Variants in DIP2B observed in about 807,000 individuals in gnomAD.
DIP2B encodes DIP2 acetate--CoA ligase B (putative).
Under a neutral mutation model 198.0 loss-of-function variants are expected in DIP2B, and 76 were observed. The observed-to-expected ratio is 0.38, with a 90% CI of 0.32 to 0.46. DIP2B has a LOEUF of 0.46. DIP2B is among the 20% of genes least tolerant of loss of function. The probability of loss-of-function intolerance (pLI) is 0.99; values close to 1 mark genes in which losing one functional copy is unlikely to be tolerated. For synonymous variants in DIP2B, 701 were observed against 739.1 expected (o/e 0.95, Z 0.84); for missense variants, 1,559 against 1,978.4 (o/e 0.79, Z 4.02).
intron 3 of DIP2B, among the ~76,000 whole-genome samples, chr12:50,655,443 T>C (rs1938538246): frequency 1.3e-5 from 2 of 152,222 alleles, no homozygotes; most frequent in South Asian, 4.1e-4. Flanking sequence ...TGGTATAGTT[T>C]TGACTTTTGG....
intron 19 of DIP2B, among the ~76,000 whole-genome samples, chr12:50,699,438 A>G (rs1939377755): frequency 6.6e-6 from 1 of 152,168 alleles, no homozygotes; most frequent in South Asian, 2.1e-4. Flanking sequence ...AATTGTACCT[A>G]TGTCATAGGA....
chr12:50,670,269 C>T (rs1223144801), intron 4 of DIP2B, among the ~76,000 whole-genome samples: 1 of 151,978 alleles, frequency 6.6e-6, no homozygotes, highest in Non-Finnish European at 1.5e-5. Flanking sequence ...TGATGCTGTG[C>T]CTTCTCCTGT....
At chr12:50,651,275 A>T (rs1467941652) in intron 3 of DIP2B, among the ~76,000 whole-genome samples, 1 of 152,022 alleles carries the variant, frequency 6.6e-6, no homozygotes. Context: ...CCAATTTTGC[A>T]GGTTATCTTT....
chr12:50,520,296 A>G (rs2139351221), intron 1 of DIP2B, among the ~76,000 whole-genome samples: 1 of 152,232 alleles, frequency 6.6e-6, no homozygotes, highest in East Asian at 1.9e-4. Flanking sequence ...TCGGCCTTCC[A>G]AAGTGCGGGG....
intron 1 of DIP2B, among the ~76,000 whole-genome samples, chr12:50,570,635 G>A (rs1025577349): frequency 3.4e-4 from 52 of 152,346 alleles, no homozygotes; most frequent in African/African-American, 1.1e-3. Flanking sequence ...ACTTGAATCC[G>A]GGAGGCAGAA....
At chr12:50,675,957 G>A (rs1469521201) in intron 7 of DIP2B, among the ~76,000 whole-genome samples, 1 of 152,140 alleles carries the variant, frequency 6.6e-6, no homozygotes, top group Non-Finnish European at 1.5e-5. Flanking sequence ...TTAGACGGGT[G>A]CTAAAATATA....
chr12:50,573,760 C>G (rs1958635255), intron 1 of DIP2B, among the ~76,000 whole-genome samples: 1 of 152,132 alleles, frequency 6.6e-6, no homozygotes, highest in South Asian at 2.1e-4. Flanking sequence ...TGTATTTTCC[C>G]TTCTTCAGAC....
At chr12:50,623,429 ACACACACACTCTCTCTCTCTCT>A (rs1937859904) in intron 1 of DIP2B, among the ~76,000 whole-genome samples, 1 of 49,342 alleles carries the variant, frequency 2.0e-5, no homozygotes, top group African/African-American at 8.4e-5. Flanking sequence ...ACACACACAC[ACACACACACTCTCTCTCTCTCT>A]CTCTCTCTCT....
chr12:50,595,782 A>G (rs1958873235), intron 1 of DIP2B, among the ~76,000 whole-genome samples: 1 of 152,204 alleles, frequency 6.6e-6, no homozygotes, highest in Non-Finnish European at 1.5e-5. Flanking sequence ...TATTCATAGA[A>G]GTAAAATCTC....
intron 1 of DIP2B, among the ~76,000 whole-genome samples, chr12:50,622,025 A>G (rs1311740501): frequency 2.0e-5 from 3 of 152,216 alleles, no homozygotes; most frequent in South Asian, 2.1e-4. Context: ...CTGAGACTTA[A>G]GCACTGAAGA....
chr12:50,719,000 C>A lies in DIP2B; in HGVS notation c.3007C>A (p.Pro1003Thr). The A allele has an allele frequency of 1.2e-6, 2 of 1,614,182 alleles. No individual in the cohort carries two copies. The highest frequency in any genetic ancestry group is 1.7e-6 in the Non-Finnish European group (2 of 1,180,024). Residue 1003 changes from proline (P) to threonine (T), a missense_variant, in exon 25 of 38, where the codon CCT becomes ACT. Coordinates refer to ENST00000301180, the MANE Select transcript of DIP2B (RefSeq NM_173602.3). ...EILQWRAQAT[P>T]DHVLFMLLNA... ...CCTACAGTGGCGAGCCCAGGCGACT[C>A]CTGACCATGTACTCTTCATGCTGTT... is the stretch of plus-strand genomic sequence containing the variant.
chr12:50,687,535 T>C (rs1364394921), intron 12 of DIP2B, among the ~76,000 whole-genome samples: 1 of 152,098 alleles, frequency 6.6e-6, no homozygotes, highest in Non-Finnish European at 1.5e-5. Context: ...CTTCAAAAAA[T>C]TTTGGATATA....
At chr12:50,653,341 C>CTTTTTTTTTTTTTTTTT (rs1323702401) in intron 3 of DIP2B, among the ~76,000 whole-genome samples, 28 of 70,072 alleles carry the variant, frequency 4.0e-4, no homozygotes, top group Non-Finnish European at 5.8e-4. Context: ...TTTTTTTTTT[C>CTTTTTTTTTTTTTTTTT]TTTTCTTTTT....
chr12:50,740,283 A>G (rs148577689), intron 36 of DIP2B, among the ~76,000 whole-genome samples: 3 of 152,314 alleles, frequency 2.0e-5, no homozygotes, highest in African/African-American at 7.2e-5. Flanking sequence ...AGTTCCCCAG[A>G]TTTCATGGAG....
At chr12:50,527,612 G>A (rs922975869) in intron 1 of DIP2B, among the ~76,000 whole-genome samples, 3 of 152,156 alleles carry the variant, frequency 2.0e-5, no homozygotes, top group Admixed American at 6.5e-5. Context: ...TTATGGTGAT[G>A]TGCACCTGTA....
chr12:50,686,167 A>G (rs887467861), intron 11 of DIP2B, among the ~76,000 whole-genome samples: 1 of 152,236 alleles, frequency 6.6e-6, no homozygotes, highest in Non-Finnish European at 1.5e-5. Flanking sequence ...CACAGCTAAT[A>G]AATGGCAGAG....
At chr12:50,566,990 A>AG (rs1200348381) in intron 1 of DIP2B, among the ~76,000 whole-genome samples, 2 of 150,372 alleles carry the variant, frequency 1.3e-5, no homozygotes, top group Non-Finnish European at 3.0e-5. Context: ...AAAAAAAAAA[A>AG]AAGAAAGAAA....
At chr12:50,668,174 G>A (rs1938789185) in intron 4 of DIP2B, among the ~76,000 whole-genome samples, 1 of 152,142 alleles carries the variant, frequency 6.6e-6, no homozygotes, top group South Asian at 2.1e-4. Flanking sequence ...TTAGCCATCA[G>A]GCCTTGGGTT....
chr12:50,605,997 A>G (rs1014519270), intron 1 of DIP2B, among the ~76,000 whole-genome samples: 1 of 148,266 alleles, frequency 6.7e-6, no homozygotes, highest in Admixed American at 6.7e-5. Context: ...ACTTTTTTGT[A>G]TTTTTAGTAG....
Sources: gnomAD v4.1 joint callset for allele counts (sites outside exome capture counted in the v4.1 genomes callset) on GRCh38, gnomAD v4.1.1 for gene constraint, MANE v1.5 for transcripts, NCBI Gene and HGNC (gene_info 2026-07-23, HGNC 2026-07-21) for gene names.